PCDHGA8: variants seen among roughly 807,000 people sequenced by gnomAD.
PCDHGA8 encodes the protein protocadherin gamma-A8.
In PCDHGA8, 45 loss-of-function variants were observed where a neutral mutation model predicts 59.2. The observed-to-expected ratio is 0.76, with a 90% confidence interval of 0.60 to 0.98. The LOEUF (loss-of-function observed/expected upper bound fraction) is 0.98, where lower values mean the gene tolerates loss of function less well. PCDHGA8 is among the 50% of genes least tolerant of loss of function. PCDHGA8 has a pLI of 0.00. For synonymous variants in PCDHGA8, 531 were observed against 519.0 expected (o/e 1.02, Z -0.32); for missense variants, 1,257 against 1,196.2 (o/e 1.05, Z -0.75).
rs371619613 is a variant in PCDHGA8 at position 141,444,258 on chromosome 5, G to A, written c.2424+49021G>A. The stretch of plus-strand genomic sequence containing the variant: ...ATGCTCTCGGCTCACTGCAACCTCC[G>A]CCTCCCAGGTTCAAGTGATTCTCCT... On this transcript the variant is annotated intron_variant, in intron 1 of 3. Coordinates refer to ENST00000398604, the MANE Select transcript of PCDHGA8 (RefSeq NM_032088.2). 1.3e-4 allele frequency among the ~76,000 whole-genome samples: 16 copies of A among 127,752 alleles called. No homozygotes were observed. The South Asian group carries it at 2.7e-3, about 21-fold the overall frequency. The allele number at this position is 127,752 out of a possible 152,430, so 83.8% of individuals were successfully genotyped here.
At chr5:141,458,132 G>C (rs2098938269) in intron 1 of PCDHGA8, among the ~76,000 whole-genome samples, 1 of 152,218 alleles carries the variant, frequency 6.6e-6, no homozygotes, top group South Asian at 2.1e-4. Flanking sequence ...GAACCAGGCA[G>C]AGAAAAATGA....
rs189987196 is a variant in PCDHGA8, at chr5:141,420,754, C to T, written c.2424+25517C>T. Among the ~76,000 whole-genome samples, 291 of 152,292 alleles carry T rather than the reference C, an allele frequency of 1.9e-3. 2 individuals carry two copies. The highest frequency in any genetic ancestry group is 3.6e-3 in the Non-Finnish European group (248 of 68,020). On this transcript the variant is annotated intron_variant, in intron 1 of 3. Coordinates refer to ENST00000398604, the MANE Select transcript of PCDHGA8 (RefSeq NM_032088.2). ...TAAAATCAATTGGAACCAACTACAA[C>T]CTACAAGTTTTCAGCTCCAGTAATA... is the stretch of plus-strand genomic sequence containing the variant.
In PCDHGA8 at chr5:141,494,850, G is replaced by C. The variant is rs2099757124; in HGVS notation, c.2468G>C (p.Arg823Thr). 1.2e-6 allele frequency: 2 copies of C among 1,614,124 alleles called. No individual in the cohort carries two copies. The highest frequency in any genetic ancestry group is 1.7e-6 in the Non-Finnish European group (2 of 1,180,018). Reference protein sequence around the residue: ...NTDWRFSQAQRPGTSGSQNGD... With the variant: ...NTDWRFSQAQTPGTSGSQNGD... ...GACTGGCGTTTCTCTCAGGCCCAGA[G>C]ACCCGGCACCAGCGGGTAGGTGACT... is the stretch of plus-strand genomic sequence containing the variant. The change falls in exon 2 of 4, where the codon AGA becomes ACA. Residue 823 changes from arginine to threonine, a missense_variant. Physicochemically the swap from Arg to Thr is moderately conservative, Grantham distance 71. Transcript: ENST00000398604.
chr5:141,479,939 A>G (rs763454741), intron 1 of PCDHGA8, among the ~76,000 whole-genome samples: 2 of 152,004 alleles, frequency 1.3e-5, no homozygotes, highest in Non-Finnish European at 2.9e-5. Flanking sequence ...ATTGCTATCA[A>G]CTCTTGGATT....
chr5:141,497,414 C>A (rs1021294577), intron 2 of PCDHGA8, among the ~76,000 whole-genome samples: 34 of 152,066 alleles, frequency 2.2e-4, no homozygotes, highest in Admixed American at 2.0e-3. Flanking sequence ...CCCATTCCAT[C>A]AAATGAGAGG....
Position 141,477,657 on chromosome 5 carries a change from G to C in PCDHGA8, c.2425-17150G>C. 4 of 1,614,190 alleles carry C rather than the reference G, an allele frequency of 2.5e-6. No individual in the cohort carries two copies. Among genetic ancestry groups the C allele is most frequent in the Non-Finnish European group, 3.4e-6 (4 of 1,180,038 alleles). The stretch of plus-strand genomic sequence containing the variant: ...GTGGGTCGCTATTTCACAATAAATC[G>C]TGACAATGGCATAGTGTCATCCTTA... On this transcript the variant is annotated intron_variant, in intron 1 of 3. Coordinates refer to ENST00000398604, the MANE Select transcript of PCDHGA8 (RefSeq NM_032088.2). The surrounding 1 kb of genome is among the most constrained non-coding windows in gnomAD (Gnocchi z 4.9).
At chr5:141,410,914 C>T (rs1399369063) in intron 1 of PCDHGA8, 4 of 246,122 alleles carry the variant, frequency 1.6e-5, no homozygotes, top group Admixed American at 6.8e-5. Context: ...AGTGCAGTGG[C>T]GTGATCTCTG....
chr5:141,430,613 A>T, intron 1 of PCDHGA8: 1 of 679,628 alleles, frequency 1.5e-6, no homozygotes, highest in Admixed American at 3.0e-5. Context: ...CACAAAGCAG[A>T]TAGCTAGGAA....
intron 1 of PCDHGA8, among the ~76,000 whole-genome samples, chr5:141,406,034 A>T (rs1438349168): frequency 6.7e-6 from 1 of 149,160 alleles, no homozygotes; most frequent in Non-Finnish European, 1.5e-5. Flanking sequence ...GGGTTGCTTC[A>T]TTGGTTGCAG....
chr5:141,456,783 C>G (rs1400541298), intron 1 of PCDHGA8, among the ~76,000 whole-genome samples: 3 of 151,802 alleles, frequency 2.0e-5, no homozygotes, highest in African/African-American at 4.8e-5. Flanking sequence ...GCCTACATGG[C>G]AAAACCCCAT....
chr5:141,399,314 A>G, intron 1 of PCDHGA8: 1 of 1,613,988 alleles, frequency 6.2e-7, no homozygotes, highest in African/African-American at 1.3e-5. Flanking sequence ...TCATCCAAAA[A>G]TTCGTATAAG....
chr5:141,495,107 A>G (rs559621284), intron 2 of PCDHGA8, among the ~76,000 whole-genome samples: 1 of 152,166 alleles, frequency 6.6e-6, no homozygotes, highest in East Asian at 1.9e-4. Flanking sequence ...CACGACCGGC[A>G]CCTTTTCCTA....
chr5:141,454,762 G>C (rs889314181), intron 1 of PCDHGA8, among the ~76,000 whole-genome samples: 4 of 115,056 alleles, frequency 3.5e-5, no homozygotes, highest in African/African-American at 6.6e-5. Context: ...ATCTTGACAT[G>C]TTTTTTACAA....
chr5:141,475,013 G>C (rs950376592), intron 1 of PCDHGA8, among the ~76,000 whole-genome samples: 1 of 152,176 alleles, frequency 6.6e-6, no homozygotes, highest in Non-Finnish European at 1.5e-5. Flanking sequence ...AAAAGTTAAG[G>C]CTCTTTATTC....
chr5:141,394,513 T>C lies in PCDHGA8; in HGVS notation c.1700T>C (p.Leu567Pro). The change falls in exon 1 of 4, where the codon CTC (leucine) becomes CCC (proline). Residue 567 changes from leucine to proline, a missense_variant. Physicochemically the swap from Leu to Pro is moderately conservative, Grantham distance 98 (BLOSUM62 -3). Transcript: ENST00000398604. ...DNAPEILYPA[L>P]PTDGSTGVEL... ...GCGCCCGAGATCCTGTACCCCGCCCTCCCCACAGACGGTTCCACTGGCGTG... is the reference window on the plus strand; with the variant it reads ...GCGCCCGAGATCCTGTACCCCGCCCCCCCCACAGACGGTTCCACTGGCGTG... The C allele has an allele frequency of 6.2e-7, 1 of 1,614,112 alleles. No homozygotes were observed. Among genetic ancestry groups the C allele is most frequent in the Non-Finnish European group, 8.5e-7 (1 of 1,180,006 alleles).
intron 1 of PCDHGA8, among the ~76,000 whole-genome samples, chr5:141,449,199 A>T (rs927587807): frequency 3.3e-5 from 5 of 152,190 alleles, no homozygotes; most frequent in Admixed American, 2.6e-4. Flanking sequence ...AGAAGTGTTA[A>T]TTCTAACTTT....
chr5:141,481,475 C>T (rs1423011632), intron 1 of PCDHGA8, among the ~76,000 whole-genome samples: 1 of 152,200 alleles, frequency 6.6e-6, no homozygotes, highest in Non-Finnish European at 1.5e-5. Context: ...TTGGATTATA[C>T]ACTTTAAATA....
In PCDHGA8 at chr5:141,485,318, G is replaced by A. The variant is rs1318256454; in HGVS notation, c.2425-9489G>A. On this transcript the variant is annotated intron_variant, in intron 1 of 3. Transcript: ENST00000398604. The surrounding 1 kb of genome is among the most constrained non-coding windows in gnomAD (Gnocchi z 5.7). ...GGAAGGGACTTTTGTAGGGAATGTC[G>A]CTCAAGATTTCCTGCTGGATACGGA... 3 of 1,614,142 alleles carry A rather than the reference G, an allele frequency of 1.9e-6. No homozygotes were observed. The highest frequency in any genetic ancestry group is 2.5e-6 in the Non-Finnish European group (3 of 1,180,006).
chr5:141,443,826 G>C (rs955306823), intron 1 of PCDHGA8, among the ~76,000 whole-genome samples: 1 of 151,978 alleles, frequency 6.6e-6, no homozygotes, highest in African/African-American at 2.4e-5. Flanking sequence ...AACATAATTA[G>C]GTAAAATGGG....
Sources: allele counts gnomAD v4.1 joint callset (sites outside exome capture counted in the v4.1 genomes callset), GRCh38; gene constraint gnomAD v4.1.1; non-coding constraint Gnocchi (gnomAD v3.1); transcripts MANE v1.5; gene names NCBI Gene and HGNC (gene_info 2026-07-23, HGNC 2026-07-21).